ANGPT1: variants seen among roughly 807,000 people sequenced by gnomAD.
ANGPT1 encodes angiopoietin-1.
Under a neutral mutation model 62.2 loss-of-function variants are expected in ANGPT1, and 17 were observed. That is an observed-to-expected ratio of 0.27 (90% CI 0.19 to 0.41). The LOEUF is 0.41. Ranked by LOEUF, ANGPT1 falls within the 10% of genes least tolerant of loss-of-function variation. ANGPT1 has a pLI of 1.00. For synonymous variants in ANGPT1, 199 were observed against 198.9 expected (o/e 1.00, Z 0.00); for missense variants, 478 against 594.9 (o/e 0.80, Z 2.04).
At chr8:107,340,231 T>A (rs951313879) in intron 2 of ANGPT1, among the ~76,000 whole-genome samples, 1 of 151,898 alleles carries the variant, frequency 6.6e-6, no homozygotes, top group Admixed American at 6.6e-5. Flanking sequence ...AAAAAGAAAA[T>A]TTTTAAATAA....
At chr8:107,454,358 G>A (rs1811860218) in intron 1 of ANGPT1, among the ~76,000 whole-genome samples, 1 of 152,032 alleles carries the variant, frequency 6.6e-6, no homozygotes, top group African/African-American at 2.4e-5. Context: ...GCTGCTATTG[G>A]ACAAGACTGT....
chr8:107,324,096 T>C lies in ANGPT1; in HGVS notation c.576-1968A>G, dbSNP rs115979078. Among the ~76,000 whole-genome samples the C allele has an allele frequency of 7.7e-3, 1,162 of 151,518 alleles. 9 individuals are homozygous for C. The highest frequency in any genetic ancestry group is 0.023 in the African/African-American group (960 of 41,180). The stretch of plus-strand genomic sequence containing the variant: ...GCCCGGCCAGTGTCAGGTACTGTTT[T>C]AAGTGGTTGTTACGAGTTCAATTAT... On this transcript the variant is annotated intron_variant, in intron 3 of 8. Transcript: ENST00000517746.
At chr8:107,398,500 A>ATTTTTTTTTTTTTTT (rs10556477) in intron 1 of ANGPT1, among the ~76,000 whole-genome samples, 1 of 132,764 alleles carries the variant, frequency 7.5e-6, no homozygotes, top group African/African-American at 2.7e-5. Context: ...TTTCTTTTCT[A>ATTTTTTTTTTTTTTT]TTTTTTTTTT....
rs541239729 is a variant in ANGPT1, at chr8:107,332,815, A to G, written c.575+3335T>C. Reference sequence around the variant, plus strand: ...TCCCCCCTGCAAAGTGTATTAGCTGATCCAAACCAGACCTGACCAACTAAA... The same window carrying G: ...TCCCCCCTGCAAAGTGTATTAGCTGGTCCAAACCAGACCTGACCAACTAAA... On this transcript the variant is annotated intron_variant, in intron 3 of 8. Coordinates refer to ENST00000517746, the MANE Select transcript of ANGPT1 (RefSeq NM_001146.5). Among the ~76,000 whole-genome samples, 100 of 152,324 alleles carry G rather than the reference A, an allele frequency of 6.6e-4. No homozygotes were observed. The South Asian group carries it at 0.012, about 18-fold the overall frequency.
chr8:107,315,262 GA>G (rs544814183), intron 4 of ANGPT1, among the ~76,000 whole-genome samples: 5 of 152,150 alleles, frequency 3.3e-5, no homozygotes, highest in African/African-American at 4.8e-5. Context: ...AAGCTCCTAT[GA>G]GTTGAAATTT....
In ANGPT1 at chr8:107,313,387, T is replaced by C. The variant is rs961637926; in HGVS notation, c.808+8509A>G. ...CATGTTGATATCCTTTGGTTGATAA[T>C]AAATTATGAGTTCCTATAGGAAGCT... On this transcript the variant is annotated intron_variant, in intron 4 of 8. Coordinates refer to ENST00000517746, the MANE Select transcript of ANGPT1 (RefSeq NM_001146.5). Among the ~76,000 whole-genome samples the C allele has an allele frequency of 4.1e-5, 6 of 145,578 alleles. No individual in the cohort carries two copies. The East Asian group carries it at 1.2e-3, about 30-fold the overall frequency.
intron 5 of ANGPT1, among the ~76,000 whole-genome samples, chr8:107,302,499 A>C (rs1471730900): frequency 6.6e-6 from 1 of 151,958 alleles, no homozygotes; most frequent in Non-Finnish European, 1.5e-5. Flanking sequence ...AACTATCTGC[A>C]TAATTGTCTA....
At chr8:107,331,237 C>T (rs1224446680) in intron 3 of ANGPT1, among the ~76,000 whole-genome samples, 2 of 152,114 alleles carry the variant, frequency 1.3e-5, no homozygotes, top group Non-Finnish European at 2.9e-5. Flanking sequence ...TGAAGTTGCA[C>T]ATGTTTCAAT....
intron 6 of ANGPT1, among the ~76,000 whole-genome samples, chr8:107,293,350 T>G (rs1461358719): frequency 6.6e-6 from 1 of 152,088 alleles, no homozygotes; most frequent in Non-Finnish European, 1.5e-5. Flanking sequence ...ACCAACAGAA[T>G]GCAATGGAAG....
intron 1 of ANGPT1, among the ~76,000 whole-genome samples, chr8:107,352,006 G>A (rs1815943781): frequency 6.6e-6 from 1 of 152,134 alleles, no homozygotes; most frequent in Non-Finnish European, 1.5e-5. Context: ...GGGAAGTTAA[G>A]TAAACTGTCT....
intron 4 of ANGPT1, among the ~76,000 whole-genome samples, chr8:107,314,314 T>C (rs140615083): frequency 9.2e-5 from 14 of 152,298 alleles, no homozygotes; most frequent in Admixed American, 3.3e-4. Context: ...AGATAGTTCA[T>C]CTTGTTTCTG....
chr8:107,251,615 G>A lies in ANGPT1; in HGVS notation c.*240C>T, dbSNP rs1419998440. ...GCAGTTTCTTCCCTTTTTAAAGCCC[G>A]ACAGTCAGTGGAGTTTTCTATAGTC... On this transcript the variant is annotated 3_prime_UTR_variant, in exon 9 of 9. Coordinates refer to ENST00000517746, the MANE Select transcript of ANGPT1 (RefSeq NM_001146.5). 121 of 430,848 alleles carry A rather than the reference G, an allele frequency of 2.8e-4. 1 individual carries two copies. In the East Asian group the frequency reaches 4.2e-3, roughly 15 times the overall value. 26.7% of individuals were successfully genotyped at this position (430,848 alleles called of 1,614,324 possible). A position where few individuals can be genotyped will look rare whatever the true frequency, so the allele number is the denominator to read the frequency against.
chr8:107,349,041 A>G (rs1367789652), intron 1 of ANGPT1, among the ~76,000 whole-genome samples: 6 of 152,132 alleles, frequency 3.9e-5, no homozygotes, highest in Non-Finnish European at 8.8e-5. Context: ...TGCCCAATAC[A>G]GTTGATGCCC....
intron 1 of ANGPT1, among the ~76,000 whole-genome samples, chr8:107,398,448 GT>G (rs1816978767): frequency 6.7e-6 from 1 of 148,616 alleles, no homozygotes; most frequent in African/African-American, 2.5e-5. Flanking sequence ...TCATTTATAA[GT>G]TTTAAAATTC....
chr8:107,376,708 A>G (rs763313235), intron 1 of ANGPT1, among the ~76,000 whole-genome samples: 1 of 152,170 alleles, frequency 6.6e-6, no homozygotes, highest in Non-Finnish European at 1.5e-5. Flanking sequence ...TTTGAATTTT[A>G]TCCCACTGAA....
intron 5 of ANGPT1, among the ~76,000 whole-genome samples, chr8:107,299,420 T>TATATAA (rs1342219214): frequency 0.015 from 1,845 of 120,320 alleles, 22 homozygotes; most frequent in Non-Finnish European, 0.022. Flanking sequence ...TATATATATA[T>TATATAA]AAACATACAT....
At chr8:107,395,824 A>G (rs1206053400) in intron 1 of ANGPT1, among the ~76,000 whole-genome samples, 1 of 152,208 alleles carries the variant, frequency 6.6e-6, no homozygotes, top group African/African-American at 2.4e-5. Context: ...TAGAATTTCC[A>G]AGAAAAAGAT....
intron 7 of ANGPT1, among the ~76,000 whole-genome samples, chr8:107,282,143 GTTTAC>G (rs1407412249): frequency 2.6e-5 from 4 of 151,828 alleles, no homozygotes; most frequent in Non-Finnish European, 4.4e-5. Context: ...CTTATAGTGT[GTTTAC>G]TTTAATGAAT....
rs186613496 is a variant in ANGPT1, at chr8:107,299,923, T to C, written c.936+3317A>G. On this transcript the variant is annotated intron_variant, in intron 5 of 8. Transcript: ENST00000517746. ...TAGTTATATCTAGATATACTATATA[T>C]CTAGATATGTAGTTATATCTAGATA... is the stretch of plus-strand genomic sequence containing the variant. Among the ~76,000 whole-genome samples, 332 of 132,294 alleles carry C rather than the reference T, an allele frequency of 2.5e-3. 5 individuals are homozygous for C. The highest frequency in any genetic ancestry group is 8.9e-3 in the African/African-American group (322 of 36,358). 86.8% of individuals were successfully genotyped at this position (132,294 alleles called of 152,430 possible). A position where few individuals can be genotyped will look rare whatever the true frequency, so the allele number is the denominator to read the frequency against.
Sources: gnomAD v4.1 joint callset for allele counts (sites outside exome capture counted in the v4.1 genomes callset) on GRCh38, gnomAD v4.1.1 for gene constraint, MANE v1.5 for transcripts, NCBI Gene and HGNC (gene_info 2026-07-23, HGNC 2026-07-21) for gene names.